Variants in SNX25 observed in about 807,000 individuals in gnomAD.
SNX25 encodes the protein sorting nexin-25.
Under a neutral mutation model 113.7 loss-of-function variants are expected in SNX25, and 62 were observed. The observed-to-expected ratio is 0.55, with a 90% CI of 0.44 to 0.67. The LOEUF (loss-of-function observed/expected upper bound fraction) is 0.67. SNX25 is among the 30% of genes least tolerant of loss of function. SNX25 has a pLI of 0.00. For synonymous variants in SNX25, 421 were observed against 436.2 expected (o/e 0.97, Z 0.43); for missense variants, 1,014 against 1,161.0 (o/e 0.87, Z 1.84).
chr4:185,268,265 G>A (rs1228856768), intron 5 of SNX25, among the ~76,000 whole-genome samples: 3 of 152,100 alleles, frequency 2.0e-5, no homozygotes, highest in African/African-American at 7.2e-5. Flanking sequence ...TGTTTGTCTT[G>A]GACAGTACAG....
chr4:185,321,193 C>T (rs2095116869), intron 8 of SNX25, among the ~76,000 whole-genome samples: 1 of 151,666 alleles, frequency 6.6e-6, no homozygotes, highest in African/African-American at 2.4e-5. Context: ...CTCACCTACA[C>T]TTCAGTCTCA....
intron 3 of SNX25, among the ~76,000 whole-genome samples, chr4:185,261,264 G>C (rs1403415649): frequency 6.6e-6 from 1 of 151,998 alleles, no homozygotes; most frequent in Non-Finnish European, 1.5e-5. Context: ...TGCAACCTCC[G>C]CTTCTCTGGT....
intron 6 of SNX25, among the ~76,000 whole-genome samples, chr4:185,294,688 A>G (rs1752613663): frequency 1.3e-5 from 2 of 152,254 alleles, no homozygotes; most frequent in African/African-American, 4.8e-5. Flanking sequence ...CCGCATTATT[A>G]GAGCAGAACA....
At chr4:185,250,746 G>A (rs764709701) in intron 2 of SNX25, among the ~76,000 whole-genome samples, 2 of 151,160 alleles carry the variant, frequency 1.3e-5, no homozygotes, top group East Asian at 1.9e-4. Context: ...TACTTTTGTG[G>A]GGTGGGATGG....
chr4:185,367,131 A>G (rs773424934), downstream of SNX25: 2 of 1,452,422 alleles, frequency 1.4e-6, no homozygotes, highest in South Asian at 2.4e-5. Flanking sequence ...AAAAATACAC[A>G]CATTGTGAGG....
At chr4:185,376,230 A>AT in the SNX25 span, among the ~76,000 whole-genome samples, 3 of 152,184 alleles carry the variant, frequency 2.0e-5, no homozygotes, top group Non-Finnish European at 4.4e-5. Context: ...TAAGTACTAG[A>AT]TAAAAATCAA....
chr4:185,350,698 C>T (rs1318760161), intron 13 of SNX25, among the ~76,000 whole-genome samples: 1 of 151,998 alleles, frequency 6.6e-6, no homozygotes, highest in African/African-American at 2.4e-5. Flanking sequence ...CCATCTCTAC[C>T]AAAAAATGCG....
chr4:185,366,311 T>A (rs891515313), downstream of SNX25: 30 of 152,224 alleles, frequency 2.0e-4, no homozygotes, highest in Admixed American at 1.1e-3. Flanking sequence ...ACCACAGGGT[T>A]TTAAAAATAT....
intron 5 of SNX25, among the ~76,000 whole-genome samples, chr4:185,287,395 C>T (rs1274375799): frequency 1.3e-5 from 2 of 152,126 alleles, no homozygotes; most frequent in African/African-American, 4.8e-5. Flanking sequence ...GGACCGTGTT[C>T]TAAATGAGAA....
intron 14 of SNX25, 105 bp from the exon 15 acceptor site, chr4:185,353,379 TA>T: frequency 2.5e-6 from 2 of 804,114 alleles, no homozygotes; most frequent in South Asian, 1.7e-5. Context: ...GAATTAAGGC[TA>T]AAATACGAGC....
At chr4:185,329,517 G>C (rs2095179312) in intron 9 of SNX25, among the ~76,000 whole-genome samples, 1 of 152,198 alleles carries the variant, frequency 6.6e-6, no homozygotes, top group South Asian at 2.1e-4. Context: ...AGTCCTACTG[G>C]TCCTCTGAGG....
At chr4:185,212,467 G>T (rs922514266) in intron 1 of SNX25, among the ~76,000 whole-genome samples, 2 of 79,798 alleles carry the variant, frequency 2.5e-5, no homozygotes, top group Non-Finnish European at 5.1e-5. Flanking sequence ...TGTGTGATGT[G>T]TGTGTGTGTG....
Position 185,362,064 on chromosome 4 carries a change from C to T in SNX25, c.2792C>T (p.Thr931Ile). The T allele has an allele frequency of 6.2e-7, 1 of 1,613,960 alleles. No individual in the cohort carries two copies. The highest frequency in any genetic ancestry group is 8.5e-7 in the Non-Finnish European group (1 of 1,179,912). Reference sequence around the variant, plus strand: ...AGAAGCAAAGAGCAAAGTCAGGAAACAAAACAGAGAGCACAGCAAAAGCTG... The same window carrying T: ...AGAAGCAAAGAGCAAAGTCAGGAAATAAAACAGAGAGCACAGCAAAAGCTG... ...TIRSKEQSQE[T>I]KQRAQQKLLE... Residue 931 changes from threonine to isoleucine, a missense_variant, in exon 17 of 19, where the codon ACA becomes ATA. Transcript: ENST00000652585.
chr4:185,370,898 G>T, downstream of SNX25: 1 of 1,411,172 alleles, frequency 7.1e-7, no homozygotes, highest in Non-Finnish European at 9.9e-7. Context: ...GACTGTCCTT[G>T]TGCCTGAAGT....
downstream of SNX25, chr4:185,372,939 G>T: frequency 6.2e-7 from 1 of 1,613,826 alleles, no homozygotes; most frequent in Non-Finnish European, 8.5e-7. Flanking sequence ...AGACGTTTCC[G>T]CGTTCTGCTG....
intron 12 of SNX25, among the ~76,000 whole-genome samples, chr4:185,344,376 G>A (rs1206457999): frequency 6.6e-6 from 1 of 152,164 alleles, no homozygotes; most frequent in African/African-American, 2.4e-5. Context: ...GTTCCATCTG[G>A]TGAAGCATCC....
intron 1 of SNX25, among the ~76,000 whole-genome samples, chr4:185,240,979 T>G (rs1440577724): frequency 1.4e-5 from 2 of 145,830 alleles, no homozygotes; most frequent in African/African-American, 2.6e-5. Context: ...GCAGAGACGC[T>G]CCTCACTTTC....
chr4:185,278,250 C>T lies in SNX25; in HGVS notation c.1092-9762C>T, dbSNP rs77106308. Among the ~76,000 whole-genome samples the T allele has an allele frequency of 3.5e-4, 53 of 152,228 alleles. No homozygotes were observed. In the East Asian group the frequency reaches 6.2e-3, roughly 18 times the overall value. On this transcript the variant is annotated intron_variant, in intron 5 of 18. Transcript: ENST00000652585. ...ATGCAGTTCTTCCAAAGGTGGAGGA[C>T]GGTTAACAATGCAAGTCAACTTATG...
downstream of SNX25, chr4:185,365,332 T>C (rs1016646216): frequency 7.2e-5 from 11 of 152,086 alleles, no homozygotes; most frequent in Non-Finnish European, 1.2e-4. Flanking sequence ...GGCCGATCTT[T>C]TATTATGTTC....
Sources: allele counts gnomAD v4.1 joint callset (sites outside exome capture counted in the v4.1 genomes callset), GRCh38; gene constraint gnomAD v4.1.1; transcripts MANE v1.5; gene names NCBI Gene and HGNC (gene_info 2026-07-23, HGNC 2026-07-21).